Variants in CNTNAP2 observed in about 807,000 individuals in gnomAD.
The protein encoded by CNTNAP2 is contactin-associated protein-like 2.
CNTNAP2 carries 98 observed loss-of-function variants against 155.2 expected under a neutral mutation model. The observed-to-expected ratio is 0.63, with a 90% CI of 0.54 to 0.75. The LOEUF is 0.75. CNTNAP2 is among the 30% of genes least tolerant of loss of function. The pLI is 0.00. For synonymous variants in CNTNAP2, 651 were observed against 631.2 expected (o/e 1.03, Z -0.47); for missense variants, 1,727 against 1,688.1 (o/e 1.02, Z -0.40).
At chr7:147,793,133 G>A (rs938092678) in intron 13 of CNTNAP2, among the ~76,000 whole-genome samples, 5 of 151,968 alleles carry the variant, frequency 3.3e-5, no homozygotes, top group African/African-American at 1.2e-4. Flanking sequence ...TCATCTGTGT[G>A]TTGTCTTTTT....
intron 1 of CNTNAP2, among the ~76,000 whole-genome samples, chr7:146,178,301 G>A (rs919152269): frequency 6.6e-6 from 1 of 152,096 alleles, no homozygotes; most frequent in African/African-American, 2.4e-5. Flanking sequence ...CCAAAGTTCT[G>A]GGATTACAGG....
At chr7:146,731,150 T>C (rs1259306264) in intron 1 of CNTNAP2, among the ~76,000 whole-genome samples, 2 of 152,084 alleles carry the variant, frequency 1.3e-5, no homozygotes, top group Non-Finnish European at 2.9e-5. Flanking sequence ...GAGACTGAAA[T>C]CAAAGTCCCC....
chr7:148,237,860 G>C (rs770685724), intron 20 of CNTNAP2, among the ~76,000 whole-genome samples: 22 of 152,290 alleles, frequency 1.4e-4, no homozygotes, highest in Middle Eastern at 3.4e-3. Context: ...GTGTACAATT[G>C]TAAGGACTTT....
intron 9 of CNTNAP2, among the ~76,000 whole-genome samples, chr7:147,368,879 AC>A (rs1255927419): frequency 3.3e-5 from 5 of 152,230 alleles, no homozygotes; most frequent in African/African-American, 1.2e-4. Context: ...TAAGATGCCA[AC>A]ATGAATAGAT....
At chr7:147,634,646 G>A (rs1312918214) in intron 12 of CNTNAP2, among the ~76,000 whole-genome samples, 11 of 152,090 alleles carry the variant, frequency 7.2e-5, no homozygotes, top group Middle Eastern at 6.8e-3. Context: ...ATGACAAGAC[G>A]CTGTAAAAAT....
intron 1 of CNTNAP2, among the ~76,000 whole-genome samples, chr7:146,433,310 G>T (rs988654024): frequency 7.2e-5 from 11 of 152,066 alleles, no homozygotes; most frequent in African/African-American, 2.7e-4. Flanking sequence ...TTTGTTTGGG[G>T]TCAGGTCCAC....
chr7:147,155,282 A>G (rs1801901277), intron 8 of CNTNAP2, among the ~76,000 whole-genome samples: 1 of 152,156 alleles, frequency 6.6e-6, no homozygotes, highest in Admixed American at 6.5e-5. Flanking sequence ...GTCCCTCACC[A>G]GACACTGAAC....
intron 1 of CNTNAP2, among the ~76,000 whole-genome samples, chr7:146,667,590 C>A (rs1202573051): frequency 1.3e-5 from 2 of 151,236 alleles, no homozygotes; most frequent in Non-Finnish European, 2.9e-5. Flanking sequence ...AATGTTAATT[C>A]TTCTGATACA....
At chr7:146,742,280 T>C (rs541815949) in intron 1 of CNTNAP2, among the ~76,000 whole-genome samples, 1 of 152,310 alleles carries the variant, frequency 6.6e-6, no homozygotes, top group African/African-American at 2.4e-5. Flanking sequence ...AGGGTAATTT[T>C]CCATCATACT....
intron 1 of CNTNAP2, among the ~76,000 whole-genome samples, chr7:146,182,876 C>T (rs1259717540): frequency 1.3e-5 from 2 of 152,128 alleles, no homozygotes; most frequent in African/African-American, 4.8e-5. Context: ...TATGCTGTAT[C>T]TGTACTCCAA....
intron 13 of CNTNAP2, among the ~76,000 whole-genome samples, chr7:147,808,960 A>G (rs1469638624): frequency 6.6e-6 from 1 of 152,210 alleles, no homozygotes; most frequent in Non-Finnish European, 1.5e-5. Context: ...CCCATTACAT[A>G]GAATAAGTTG....
intron 3 of CNTNAP2, among the ~76,000 whole-genome samples, chr7:146,846,121 C>T (rs907600803): frequency 6.6e-6 from 1 of 152,122 alleles, no homozygotes; most frequent in Admixed American, 6.5e-5. Flanking sequence ...ACCATCCTGT[C>T]GCCTGCCCCT....
chr7:146,308,908 A>G (rs59870386), intron 1 of CNTNAP2, among the ~76,000 whole-genome samples: 12,962 of 152,124 alleles, frequency 0.085, 1,559 homozygotes, highest in African/African-American at 0.27. Flanking sequence ...TCACACCAAC[A>G]TGGCACATGT....
chr7:146,221,980 T>C (rs1799214891), intron 1 of CNTNAP2, among the ~76,000 whole-genome samples: 1 of 152,042 alleles, frequency 6.6e-6, no homozygotes, highest in Non-Finnish European at 1.5e-5. Context: ...AATTCACAAG[T>C]GTTTGTGAAA....
intron 1 of CNTNAP2, among the ~76,000 whole-genome samples, chr7:146,358,289 C>T (rs1795033283): frequency 1.3e-5 from 2 of 152,170 alleles, no homozygotes; most frequent in Admixed American, 1.3e-4. Context: ...CCTCCTCAGC[C>T]TCCCAAAGTG....
intron 13 of CNTNAP2, among the ~76,000 whole-genome samples, chr7:147,812,551 CACA>C (rs1288891973): frequency 2.6e-5 from 4 of 151,204 alleles, no homozygotes; most frequent in Non-Finnish European, 5.9e-5. Context: ...CCTAGACAAT[CACA>C]ACGTGTCCAC....
At chr7:146,196,866 A>C (rs150008322) in intron 1 of CNTNAP2, among the ~76,000 whole-genome samples, 1 of 152,056 alleles carries the variant, frequency 6.6e-6, no homozygotes, top group Admixed American at 6.6e-5. Context: ...TACTTTGTGC[A>C]CTCCTAGTAC....
intron 1 of CNTNAP2, among the ~76,000 whole-genome samples, chr7:146,446,414 T>G (rs1220907061): frequency 6.7e-6 from 1 of 150,330 alleles, no homozygotes; most frequent in Non-Finnish European, 1.5e-5. Context: ...CTGAGGGTGT[T>G]GCAGAAAATA....
chr7:146,415,502 C>G (rs1248499209), intron 1 of CNTNAP2, among the ~76,000 whole-genome samples: 1 of 151,876 alleles, frequency 6.6e-6, no homozygotes, highest in Non-Finnish European at 1.5e-5. Flanking sequence ...GCTTTTATTG[C>G]CAAAAGAAAA....
Sources: allele counts gnomAD v4.1 joint callset (sites outside exome capture counted in the v4.1 genomes callset), GRCh38; gene constraint gnomAD v4.1.1; transcripts MANE v1.5; gene names NCBI Gene and HGNC (gene_info 2026-07-23, HGNC 2026-07-21).